MRC1: variants seen among roughly 807,000 people sequenced by gnomAD.
MRC1 encodes the protein mannose receptor C-type 1.
In MRC1, 62 loss-of-function variants were observed where a neutral mutation model predicts 102.9. The ratio of observed to expected loss-of-function variants is 0.60; its 90% CI spans 0.49 to 0.74. MRC1 has a LOEUF of 0.74. MRC1 is among the 30% of genes least tolerant of loss of function. The probability of loss-of-function intolerance (pLI) is 0.00; values close to 1 mark genes in which losing one functional copy is unlikely to be tolerated. For synonymous variants in MRC1, 457 were observed against 298.4 expected (o/e 1.53, Z -5.48); for missense variants, 1,237 against 862.8 (o/e 1.43, Z -5.43).
At chr10:17,819,449 T>TTGTGTGTG (rs1435126761) in intron 1 of MRC1, among the ~76,000 whole-genome samples, 8 of 99,054 alleles carry the variant, frequency 8.1e-5, no homozygotes, top group African/African-American at 3.6e-4. Context: ...GAATTCAGAG[T>TTGTGTGTG]TGTATGTGTG....
chr10:17,813,037 A>G (rs1367416494), intron 1 of MRC1, among the ~76,000 whole-genome samples: 1 of 152,174 alleles, frequency 6.6e-6, no homozygotes, highest in African/African-American at 2.4e-5. Context: ...AAGCCTTAGA[A>G]TCATAGACCA....
chr10:17,820,023 G>C (rs2461140), intron 1 of MRC1, among the ~76,000 whole-genome samples: 96,002 of 151,944 alleles, frequency 0.63, 31,459 homozygotes, highest in African/African-American at 0.82. Flanking sequence ...CCCCCTTTTT[G>C]TTCTTCTTCA....
Position 17,910,675 on chromosome 10 carries a change from C to G in MRC1, c.*210C>G, listed in dbSNP as rs1008866736. ...GAGGGATAACAATGCTGATTACTAC[C>G]TTTTAAAATATTTTAGATAAATGCA... On this transcript the variant is annotated 3_prime_UTR_variant, in exon 30 of 30. Transcript: ENST00000569591. 6.6e-6 allele frequency: 4 copies of G among 605,864 alleles called. No individual in the cohort carries two copies. The African/African-American group carries it at 7.4e-5, about 11-fold the overall frequency. 37.5% of individuals were successfully genotyped at this position (605,864 alleles called of 1,614,324 possible). A position where few individuals can be genotyped will look rare whatever the true frequency, so the allele number is the denominator to read the frequency against.
At chr10:17,813,698 ATAT>A (rs1328489768) in intron 1 of MRC1, among the ~76,000 whole-genome samples, 4,307 of 104,338 alleles carry the variant, frequency 0.041, 111 homozygotes, top group African/African-American at 0.12. Flanking sequence ...ATATATATAT[ATAT>A]TTTTTTTTTT....
chr10:17,841,391 A>G (rs1291898154), intron 5 of MRC1, among the ~76,000 whole-genome samples: 4 of 152,220 alleles, frequency 2.6e-5, no homozygotes, highest in African/African-American at 9.6e-5. Flanking sequence ...ATCGGCTTAA[A>G]AATACTATCT....
chr10:17,889,600 T>C (rs1216950844), intron 22 of MRC1, among the ~76,000 whole-genome samples: 1 of 152,212 alleles, frequency 6.6e-6, no homozygotes, highest in Non-Finnish European at 1.5e-5. Flanking sequence ...TCTTTAGTGG[T>C]TGCTCTTGAG....
At chr10:17,850,195 T>G (rs1019497630) in intron 7 of MRC1, among the ~76,000 whole-genome samples, 51 of 152,210 alleles carry the variant, frequency 3.4e-4, no homozygotes, top group African/African-American at 1.1e-3. Context: ...ACTTTAGATT[T>G]CTTTTTTCTT....
At chr10:17,857,298 C>T (rs1222853641) in intron 9 of MRC1, among the ~76,000 whole-genome samples, 1 of 152,230 alleles carries the variant, frequency 6.6e-6, no homozygotes, top group Admixed American at 6.5e-5. Flanking sequence ...GAACCCAGGT[C>T]TCCTGTCCCT....
chr10:17,831,823 CAT>C lies in MRC1; in HGVS notation c.638-1847_638-1846del, dbSNP rs1183378096. Among the ~76,000 whole-genome samples, 16 of 151,582 alleles carry C rather than the reference CAT, an allele frequency of 1.1e-4. 1 individual carries two copies. The highest frequency in any genetic ancestry group is 3.7e-4 in the African/African-American group (15 of 40,864). ...ATTTGTTTACTAGCTTCGCAAACAT[CAT>C]ATATGTGAAAAACTATCAATAATAT... On this transcript the variant is annotated intron_variant, in intron 3 of 29. Transcript: ENST00000569591.
intron 23 of MRC1, 34 bp downstream of exon 23, chr10:17,894,346 G>C: frequency 1.2e-6 from 1 of 854,354 alleles, no homozygotes; most frequent in Non-Finnish European, 2.0e-6. Context: ...TCCTGAAAGA[G>C]CTGGGGTTTT....
At chr10:17,885,142 G>A in intron 21 of MRC1, 127 bp from the exon 22 acceptor site, 1 of 729,586 alleles carries the variant, frequency 1.4e-6, no homozygotes, top group Non-Finnish European at 2.5e-6. Flanking sequence ...TTCATGGTAG[G>A]TATTTTTAAG....
chr10:17,909,235 A>T, intron 28 of MRC1, 71 bp from the exon 29 acceptor site: 1 of 771,674 alleles, frequency 1.3e-6, no homozygotes, highest in East Asian at 2.4e-5. Context: ...TGTATTTGTG[A>T]GCCAAATAAT....
At chr10:17,871,607 G>A (rs1350394977) in intron 14 of MRC1, among the ~76,000 whole-genome samples, 2 of 152,242 alleles carry the variant, frequency 1.3e-5, no homozygotes, top group Non-Finnish European at 1.5e-5. Context: ...TTCCAATAAC[G>A]CACTGAAATA....
intron 16 of MRC1, among the ~76,000 whole-genome samples, chr10:17,874,111 C>T (rs1444266036): frequency 5.9e-5 from 9 of 152,194 alleles, no homozygotes; most frequent in African/African-American, 2.2e-4. Flanking sequence ...CTGCTGTAAC[C>T]AGTTACCAGG....
At chr10:17,853,736 T>G (rs1283074526) in intron 8 of MRC1, among the ~76,000 whole-genome samples, 1 of 152,124 alleles carries the variant, frequency 6.6e-6, no homozygotes, top group African/African-American at 2.4e-5. Flanking sequence ...CTACATTCAT[T>G]TTTTTCAGTT....
intron 9 of MRC1, among the ~76,000 whole-genome samples, chr10:17,858,855 C>T (rs1466557326): frequency 6.6e-6 from 1 of 152,230 alleles, no homozygotes; most frequent in Non-Finnish European, 1.5e-5. Flanking sequence ...AGCCATCTTT[C>T]AGTTCTTGAA....
intron 26 of MRC1, among the ~76,000 whole-genome samples, chr10:17,902,891 C>T (rs964172235): frequency 9.2e-5 from 14 of 152,180 alleles, no homozygotes; most frequent in African/African-American, 3.1e-4. Flanking sequence ...GTTTTTGATT[C>T]ATGTACTTTG....
intron 22 of MRC1, 112 bp from the exon 23 acceptor site, chr10:17,894,098 C>T: frequency 1.3e-6 from 1 of 767,118 alleles, no homozygotes; most frequent in Non-Finnish European, 2.4e-6. Context: ...TTAGGACAAT[C>T]TTAAAATTTG....
At chr10:17,873,424 A>T (rs967895864) in intron 15 of MRC1, among the ~76,000 whole-genome samples, 1 of 152,184 alleles carries the variant, frequency 6.6e-6, no homozygotes, top group Non-Finnish European at 1.5e-5. Context: ...TAGTTGACAA[A>T]ATTAAGGCTA....
Sources: gnomAD v4.1 joint callset for allele counts (sites outside exome capture counted in the v4.1 genomes callset) on GRCh38, gnomAD v4.1.1 for gene constraint, MANE v1.5 for transcripts, NCBI Gene and HGNC (gene_info 2026-07-23, HGNC 2026-07-21) for gene names.